SLFN5: variants seen among roughly 807,000 people sequenced by gnomAD.
SLFN5 encodes schlafen family member 5.
In SLFN5, 34 loss-of-function variants were observed where a neutral mutation model predicts 48.5. That is an observed-to-expected ratio of 0.70 (90% CI 0.53 to 0.93). The LOEUF (loss-of-function observed/expected upper bound fraction) is 0.93. Ranked by LOEUF, SLFN5 falls within the 40% of genes least tolerant of loss-of-function variation. The pLI is 0.00. For synonymous variants in SLFN5, 387 were observed against 396.2 expected, an observed-to-expected ratio of 0.98 and a Z score of 0.28; for missense variants, 1,006 against 1,071.3, an observed-to-expected ratio of 0.94 and a Z score of 0.85.
chr17:35,258,320 T>C (rs1254865901), intron 1 of SLFN5, among the ~76,000 whole-genome samples: 1 of 152,092 alleles, frequency 6.6e-6, no homozygotes, highest in Non-Finnish European at 1.5e-5. Flanking sequence ...AAGGCACGTC[T>C]TACATGGAGG....
At position 35,265,602 on chromosome 17, in the gene SLFN5, C is replaced by T. The variant is rs2291189; in HGVS notation, c.2390C>T (p.Ala797Val). ...GATATTGCTGTGCTTTTCACCAAAG[C>T]AAGTGAAGTGGAAAAATATAAAGAC... ...PKDIAVLFTK[A>V]SEVEKYKDRL... The change falls in exon 5 of 5, where the codon GCA (alanine) becomes GTA (valine). Residue 797 changes from alanine to valine, a missense_variant. Ala to Val is a moderately conservative substitution (Grantham distance 64). Transcript: ENST00000299977. 0.072 allele frequency: 115,694 copies of T among 1,614,050 alleles called. 6,350 individuals carry two copies. Among genetic ancestry groups the T allele is most frequent in the East Asian group, 0.26 (11,580 of 44,876 alleles).
At chr17:35,244,679 A>C (rs1339592648) in intron 1 of SLFN5, among the ~76,000 whole-genome samples, 1 of 152,150 alleles carries the variant, frequency 6.6e-6, no homozygotes, top group East Asian at 1.9e-4. Context: ...TAATCTCAGC[A>C]CTTTGGGAGG....
chr17:35,252,271 A>G (rs1289921798), intron 1 of SLFN5, among the ~76,000 whole-genome samples: 1 of 152,112 alleles, frequency 6.6e-6, no homozygotes, highest in Admixed American at 6.5e-5. Flanking sequence ...CTGTACAAAA[A>G]ATTTAAAAAA....
chr17:35,262,861 C>T (rs76710279), intron 3 of SLFN5, among the ~76,000 whole-genome samples: 2 of 152,018 alleles, frequency 1.3e-5, no homozygotes, highest in East Asian at 3.9e-4. Context: ...AAGACCCCGT[C>T]CCCCCCAAAA....
Position 35,264,477 on chromosome 17 carries a change from TG to T in SLFN5, c.1435del (p.Val479Ter). The T allele has an allele frequency of 6.2e-7, 1 of 1,614,120 alleles. No homozygotes were observed. The highest frequency in any genetic ancestry group is 8.5e-7 in the Non-Finnish European group (1 of 1,180,008). On this transcript the variant is annotated frameshift_variant, in exon 4 of 5. Transcript: ENST00000299977. LOFTEE classifies it high-confidence loss of function. ...GTTGCCTATTCTTTGAAGCAGAAGC[TG>T]GTGAACAAAGGCGGCTACACTGGGA... ...MIVAYSLKQK[L>X]VNKGGYTGRL...
chr17:35,264,784 T>G lies in SLFN5; in HGVS notation c.1740T>G (p.Pro580=). Residue 580 remains proline (P), a synonymous_variant, in exon 4 of 5, where the codon CCT becomes CCG. Coordinates refer to ENST00000299977, the MANE Select transcript of SLFN5 (RefSeq NM_144975.4). The part of the protein sequence containing the change: ...KTRELFVHGL[P]GSGKTILALR... ...GAGAGTTGTTTGTTCATGGCTTACC[T>G]GGATCAGGGAAGACTATCTTGGCTC... The G allele has an allele frequency of 6.3e-7, 1 of 1,597,112 alleles. No homozygotes were observed. Among genetic ancestry groups the G allele is most frequent in the South Asian group, 1.1e-5 (1 of 87,764 alleles).
chr17:35,261,934 C>T (rs1904532593), intron 3 of SLFN5, among the ~76,000 whole-genome samples: 1 of 141,212 alleles, frequency 7.1e-6, no homozygotes, highest in South Asian at 2.3e-4. Flanking sequence ...CCACCTCGGC[C>T]TCCCAAAGTG....
chr17:35,271,371 G>A lies in SLFN5; in HGVS notation c.*5483G>A, dbSNP rs1329621803. 5 of 152,114 alleles carry A rather than the reference G, an allele frequency of 3.3e-5. No homozygotes were observed. Among genetic ancestry groups the A allele is most frequent in the Non-Finnish European group, 7.4e-5 (5 of 68,014 alleles). The allele number at this position is 152,114 out of a possible 1,614,324, so 9.4% of individuals were successfully genotyped here. On this transcript the variant is annotated 3_prime_UTR_variant, in exon 5 of 5. Transcript: ENST00000299977. ...AAAGTAGTGGTTTTAAGAAGGAAAG[G>A]AGAACAAATAAATTAGTGAAACATA...
Position 35,265,399 on chromosome 17 carries a change from C to T in SLFN5, c.2187C>T (p.Ala729=). ...ANYLQQVMQE[A]RQNPPPNLPP... Reference sequence around the variant, plus strand: ...ACCTACAACAAGTAATGCAGGAAGCCCGACAAAATCCTCCACCTAACCTCC... The same window carrying T: ...ACCTACAACAAGTAATGCAGGAAGCTCGACAAAATCCTCCACCTAACCTCC... The change falls in exon 5 of 5, where the codon GCC becomes GCT. Residue 729 remains alanine, a synonymous_variant. Coordinates refer to ENST00000299977, the MANE Select transcript of SLFN5 (RefSeq NM_144975.4). 6.2e-7 allele frequency: 1 copy of T among 1,614,120 alleles called. No homozygotes were observed. Among genetic ancestry groups the T allele is most frequent in the Non-Finnish European group, 8.5e-7 (1 of 1,180,028 alleles).
Position 35,265,723 on chromosome 17 carries a change from C to G in SLFN5, c.2511C>G (p.Thr837=). 1 of 1,614,158 alleles carries G rather than the reference C, an allele frequency of 6.2e-7. No homozygotes were observed. The highest frequency in any genetic ancestry group is 8.5e-7 in the Non-Finnish European group (1 of 1,180,030). The change falls in exon 5 of 5, where the codon ACC becomes ACG. Residue 837 remains threonine (T), a synonymous_variant. Coordinates refer to ENST00000299977, the MANE Select transcript of SLFN5 (RefSeq NM_144975.4). ...TCGGTGATGCGTCGGATGTTCTAAC[C>G]GATCACATTGTGTTGGACAGTGTCT... ...LQIGDASDVL[T]DHIVLDSVCR... is the part of the protein sequence containing the mutation.
chr17:35,265,024 C>T lies in SLFN5; in HGVS notation c.1860-48C>T, dbSNP rs763111951. 5.1e-6 allele frequency: 8 copies of T among 1,563,346 alleles called. No individual in the cohort carries two copies. In the Admixed American group the frequency reaches 1.5e-4, roughly 29 times the overall value. On this transcript the variant is annotated intron_variant, in intron 4 of 4. Transcript: ENST00000299977. ...GACCAGAGGGGTTTAAGAGTAGAAT[C>T]TGCTTTCTTTGTTTCATTGGGGAAA...
chr17:35,256,191 T>C (rs1230608502), intron 1 of SLFN5, among the ~76,000 whole-genome samples: 2 of 152,140 alleles, frequency 1.3e-5, no homozygotes, highest in African/African-American at 4.8e-5. Context: ...AAACCCTGTC[T>C]CTACTAAAAA....
chr17:35,246,558 T>A (rs1400744274), intron 1 of SLFN5, among the ~76,000 whole-genome samples: 1 of 152,144 alleles, frequency 6.6e-6, no homozygotes, highest in Non-Finnish European at 1.5e-5. Context: ...TTTAAAAAAA[T>A]TTATTGTGCA....
Position 35,258,798 on chromosome 17 carries a change from G to A in SLFN5, c.108G>A (p.Arg36=). 1 of 1,614,122 alleles carries A rather than the reference G, an allele frequency of 6.2e-7. No homozygotes were observed. The highest frequency in any genetic ancestry group is 1.7e-5 in the Admixed American group (1 of 60,002). The change falls in exon 2 of 5, where the codon CGG becomes CGA. Residue 36 remains arginine (R), a synonymous_variant. Coordinates refer to ENST00000299977, the MANE Select transcript of SLFN5 (RefSeq NM_144975.4). ...GGCAGGAGATGGACCCTCGCCTGCG[G>A]GAGAAACAGAATGAAATCATCCTGC... ...QQRQEMDPRL[R]EKQNEIILRA...
Position 35,259,125 on chromosome 17 carries a change from G to C in SLFN5, c.435G>C (p.Thr145=). Residue 145 remains threonine (T), a synonymous_variant, in exon 2 of 5, where the codon ACG becomes ACC. Transcript: ENST00000299977. ...TCAAATGCAGGACTCAGACTCCAAC[G>C]AATATTAATGTTTCCAATTCATTAG... ...AFLKCRTQTP[T]NINVSNSLGP... 1 of 1,614,114 alleles carries C rather than the reference G, an allele frequency of 6.2e-7. No individual in the cohort carries two copies. Among genetic ancestry groups the C allele is most frequent in the Non-Finnish European group, 8.5e-7 (1 of 1,180,026 alleles).
In SLFN5 at chr17:35,259,004, A is replaced by AGGCT; in HGVS notation, c.317_320dup (p.Val108TrpfsTer42). ...ATTTTTGTGAAATCATGGAACACAG[A>AGGCT]GGCTGGTGTGCCACTTGCTACCTTA... is the stretch of plus-strand genomic sequence containing the variant. On this transcript the variant is annotated frameshift_variant, in exon 2 of 5. Transcript: ENST00000299977. LOFTEE classifies it high-confidence loss of function. 1.2e-6 allele frequency: 2 copies of AGGCT among 1,614,208 alleles called. No homozygotes were observed. Among genetic ancestry groups the AGGCT allele is most frequent in the Non-Finnish European group, 1.7e-6 (2 of 1,180,030 alleles).
At position 35,256,315 on chromosome 17, in the gene SLFN5, C is replaced by CA. The variant is rs1282338048; in HGVS notation, c.-40-2335dup. Reference sequence around the variant, plus strand: ...CAGAGTTTACACTGAGCCGAGATCACACCACTGCACTCCAGCCTGGGCAAC... The same window carrying CA: ...CAGAGTTTACACTGAGCCGAGATCACAACCACTGCACTCCAGCCTGGGCAAC... On this transcript the variant is annotated intron_variant, in intron 1 of 4. Transcript: ENST00000299977. Among the ~76,000 whole-genome samples, 3 of 152,168 alleles carry CA rather than the reference C, an allele frequency of 2.0e-5. No homozygotes were observed. The East Asian group carries it at 5.8e-4, about 29-fold the overall frequency.
intron 1 of SLFN5, among the ~76,000 whole-genome samples, chr17:35,252,063 T>C (rs1028077170): frequency 1.3e-5 from 2 of 152,128 alleles, no homozygotes; most frequent in Non-Finnish European, 2.9e-5. Context: ...GCTAAATTTC[T>C]CCATGAAATT....
intron 2 of SLFN5, 105 bp from the exon 3 acceptor site, chr17:35,260,866 C>T (rs1023167463): frequency 6.4e-6 from 9 of 1,397,240 alleles, no homozygotes; most frequent in African/African-American, 5.7e-5. Context: ...ATCTGTGGGC[C>T]GTGGCTTGAG....
Sources: allele counts gnomAD v4.1 joint callset (sites outside exome capture counted in the v4.1 genomes callset), GRCh38; gene constraint gnomAD v4.1.1; transcripts MANE v1.5; gene names NCBI Gene and HGNC (gene_info 2026-07-23, HGNC 2026-07-21).